Variants in MGST1 observed in about 807,000 individuals in gnomAD.
The protein encoded by MGST1 is glutathione S-transferase 12.
In MGST1, 5 loss-of-function variants were observed where a neutral mutation model predicts 8.9. That is an observed-to-expected ratio of 0.56 (90% CI 0.29 to 1.19). The LOEUF (loss-of-function observed/expected upper bound fraction) is 1.19. MGST1 is among the 50% of genes most tolerant of loss of function. The pLI is 0.08. For missense variants in MGST1, 182 were observed against 187.4 expected (o/e 0.97, Z 0.17); for synonymous variants, 54 against 67.8 (o/e 0.80, Z 1.00).
At chr12:16,473,348 C>T (rs1941300093) in intron 4 of MGST1, among the ~76,000 whole-genome samples, 1 of 152,126 alleles carries the variant, frequency 6.6e-6, no homozygotes, top group Admixed American at 6.5e-5. Context: ...GTCTTGCCCA[C>T]ATATCAATAG....
chr12:16,447,366 A>G (rs1941088643), intron 4 of MGST1, among the ~76,000 whole-genome samples: 1 of 151,958 alleles, frequency 6.6e-6, no homozygotes, highest in Non-Finnish European at 1.5e-5. Context: ...GATATAATTT[A>G]ACCCAAAGTT....
At chr12:16,581,247 T>C (rs1267863874) in intron 4 of MGST1, among the ~76,000 whole-genome samples, 2 of 152,154 alleles carry the variant, frequency 1.3e-5, no homozygotes, top group African/African-American at 2.4e-5. Flanking sequence ...CTCATAAGGA[T>C]GGGTTCTGGA....
exon 4 of MGST1, chr12:16,376,346 G>A: frequency 1.1e-5 from 5 of 444,120 alleles, no homozygotes; most frequent in South Asian, 8.3e-5. Flanking sequence ...TATTACTGCG[G>A]GAAGTACCCA....
At position 16,513,653 on chromosome 12, in the gene MGST1, A is replaced by G; in HGVS notation, n.483-75875A>G. On this transcript the variant is annotated intron_variant and non_coding_transcript_variant, in intron 4 of 4. Transcript: ENST00000538857. The surrounding 1 kb of genome is among the most constrained non-coding windows in gnomAD (Gnocchi z 4.2). ...GCAGAGGCCCAGATTGCAGCCAAAA[A>G]TTTGGACGAGGACTACCTCTCCATT... 1 of 503,304 alleles carries G rather than the reference A, an allele frequency of 2.0e-6. No individual in the cohort carries two copies. The highest frequency in any genetic ancestry group is 5.6e-5 in the East Asian group (1 of 18,008). 31.2% of individuals were successfully genotyped at this position (503,304 alleles called of 1,614,324 possible).
At chr12:16,435,350 T>A (rs1448021725) in intron 1 of MGST1, among the ~76,000 whole-genome samples, 2 of 151,940 alleles carry the variant, frequency 1.3e-5, no homozygotes, top group African/African-American at 4.8e-5. Flanking sequence ...AGGTAACACT[T>A]TTGCAGTATT....
At chr12:16,444,592 T>C (rs1309675955) in intron 4 of MGST1, among the ~76,000 whole-genome samples, 2 of 151,904 alleles carry the variant, frequency 1.3e-5, no homozygotes, top group Non-Finnish European at 2.9e-5. Flanking sequence ...AGTCAGTCCA[T>C]CCATAAACCA....
chr12:16,580,151 A>G (rs1216010793), intron 4 of MGST1, among the ~76,000 whole-genome samples: 13 of 152,216 alleles, frequency 8.5e-5, no homozygotes, highest in Admixed American at 7.9e-4. Flanking sequence ...TTTTTAATAG[A>G]GATGGGATCT....
chr12:16,400,358 A>G, intron 1 of MGST1: 1 of 819,286 alleles, frequency 1.2e-6, no homozygotes, highest in Non-Finnish European at 2.2e-6. Context: ...CCTCGAACAG[A>G]TATGAAGCGG....
intron 1 of MGST1, among the ~76,000 whole-genome samples, chr12:16,391,253 A>G (rs1259490666): frequency 1.3e-5 from 2 of 151,266 alleles, no homozygotes; most frequent in South Asian, 2.1e-4. Context: ...TCAACCCATC[A>G]TCTAGGTTTT....
chr12:16,573,463 A>G (rs1464937853), intron 4 of MGST1: 1 of 152,202 alleles, frequency 6.6e-6, no homozygotes, highest in African/African-American at 2.4e-5. Context: ...GTGTGTCCAC[A>G]TGTATAAATA....
intron 4 of MGST1, among the ~76,000 whole-genome samples, chr12:16,562,628 T>A (rs1456749218): frequency 6.6e-6 from 1 of 152,228 alleles, no homozygotes. Flanking sequence ...CTGCTTCTGC[T>A]GCCATCAGTC....
intron 3 of MGST1, 78 bp downstream of exon 3, chr12:16,357,777 C>T: frequency 8.6e-7 from 1 of 1,159,972 alleles, no homozygotes; most frequent in South Asian, 1.4e-5. Flanking sequence ...GTCTCAGGGT[C>T]TTGGAGACTG....
intron 4 of MGST1, among the ~76,000 whole-genome samples, chr12:16,505,894 G>A (rs1941535286): frequency 6.6e-6 from 1 of 152,110 alleles, no homozygotes; most frequent in Non-Finnish European, 1.5e-5. Flanking sequence ...CAGAGGTAGG[G>A]GATCCTAGAG....
intron 4 of MGST1, among the ~76,000 whole-genome samples, chr12:16,570,610 T>A (rs1799073053): frequency 1.3e-5 from 2 of 152,158 alleles, no homozygotes. Context: ...TCACCATCTT[T>A]CCAAGAGCCA....
At chr12:16,474,446 A>C (rs1438679225) in intron 4 of MGST1, among the ~76,000 whole-genome samples, 1 of 152,186 alleles carries the variant, frequency 6.6e-6, no homozygotes, top group East Asian at 1.9e-4. Context: ...ATTTCATTCA[A>C]TTTTGCCAAG....
intron 4 of MGST1, among the ~76,000 whole-genome samples, chr12:16,509,337 T>A (rs375757819): frequency 2.0e-5 from 3 of 152,306 alleles, no homozygotes; most frequent in African/African-American, 7.2e-5. Context: ...TTCCTTTTCA[T>A]CTAGTTTTTG....
chr12:16,371,484 A>G (rs1035805606), intron 3 of MGST1, among the ~76,000 whole-genome samples: 5 of 152,100 alleles, frequency 3.3e-5, no homozygotes, highest in African/African-American at 9.6e-5. Flanking sequence ...TCAGTCAACT[A>G]TGGTCTGTGG....
chr12:16,426,242 A>G lies in MGST1; in HGVS notation n.779-11146A>G, dbSNP rs116965975. On this transcript the variant is annotated intron_variant and non_coding_transcript_variant, in intron 1 of 1. Coordinates refer to the MGST1 transcript ENST00000359720. ...GTTCCATTCATCTTACCTTGGCTATATTAGATCTTTCCTAAGCATACACTA... is the reference window on the plus strand; with the variant it reads ...GTTCCATTCATCTTACCTTGGCTATGTTAGATCTTTCCTAAGCATACACTA... Among the ~76,000 whole-genome samples the G allele has an allele frequency of 2.6e-4, 40 of 152,308 alleles. No homozygotes were observed. In the East Asian group the frequency reaches 7.5e-3, roughly 29 times the overall value.
intron 4 of MGST1, among the ~76,000 whole-genome samples, chr12:16,499,789 C>T (rs1941493673): frequency 6.6e-6 from 1 of 152,072 alleles, no homozygotes; most frequent in African/African-American, 2.4e-5. Flanking sequence ...ATCTGACACC[C>T]ATCTTTTCTT....
Sources: allele counts gnomAD v4.1 joint callset (sites outside exome capture counted in the v4.1 genomes callset), GRCh38; gene constraint gnomAD v4.1.1; non-coding constraint Gnocchi (gnomAD v3.1); transcripts MANE v1.5; gene names NCBI Gene and HGNC (gene_info 2026-07-23, HGNC 2026-07-21).